Variants in FRMPD3 observed in about 807,000 individuals in gnomAD.
The protein encoded by FRMPD3 is FERM and PDZ domain containing 3, also known as FERM and PDZ domain-containing protein 3.
Under a neutral mutation model 97.9 loss-of-function variants are expected in FRMPD3, and 42 were observed. The ratio of observed to expected loss-of-function variants is 0.43; its 90% CI spans 0.34 to 0.55. FRMPD3 has a LOEUF of 0.55. Ranked by LOEUF, FRMPD3 falls within the 20% of genes least tolerant of loss-of-function variation. FRMPD3 has a pLI of 0.03. For synonymous variants in FRMPD3, 577 were observed against 581.1 expected, an observed-to-expected ratio of 0.99 and a Z score of 0.10; for missense variants, 1,303 against 1,457.7, an observed-to-expected ratio of 0.89 and a Z score of 1.73.
At chrX:107,467,680 T>C (rs112972714) in intron 1 of FRMPD3, among the ~76,000 whole-genome samples, 3,006 of 110,760 alleles carry the variant, frequency 0.027, 99 homozygotes, top group African/African-American at 0.093. Flanking sequence ...TTTCTGTTTT[T>C]AGATGTGAAG....
Position 107,551,686 on chromosome X carries a change from TG to T in FRMPD3, c.511-1108del, listed in dbSNP as rs1653000031. On this transcript the variant is annotated intron_variant, in intron 6 of 14. Transcript: ENST00000683843. The stretch of plus-strand genomic sequence containing the variant: ...GTCCCAGAGAGGTACCTGGGTGAAT[TG>T]ACAGCCTGGCACAGGGGCTGTTACA... 2.7e-5 allele frequency among the ~76,000 whole-genome samples: 3 copies of T among 112,348 alleles called. No homozygotes were observed. In the South Asian group the frequency reaches 1.1e-3, roughly 42 times the overall value.
In FRMPD3 at chrX:107,600,709, T is replaced by G; in HGVS notation, c.2670T>G (p.Asn890Lys). The change falls in exon 15 of 15, where the codon AAT becomes AAG. Residue 890 changes from asparagine (N) to lysine (K), a missense_variant. Transcript: ENST00000683843. ...CCCCACAGCTTAGTGAACAGAAGAATCTGAGTCTGCTGTCCCCAGTTCCTG... is the reference window on the plus strand; with the variant it reads ...CCCCACAGCTTAGTGAACAGAAGAAGCTGAGTCTGCTGTCCCCAGTTCCTG... ...ALSPQLSEQK[N>K]LSLLSPVPED... is the part of the protein sequence containing the mutation. 1 of 1,202,853 alleles carries G rather than the reference T, an allele frequency of 8.3e-7. No homozygotes were observed. The highest frequency in any genetic ancestry group is 1.1e-6 in the Non-Finnish European group (1 of 891,359).
At chrX:107,598,357 T>A (rs1160686539) in intron 14 of FRMPD3, among the ~76,000 whole-genome samples, 2 of 112,354 alleles carry the variant, frequency 1.8e-5, no homozygotes, top group African/African-American at 6.5e-5. Flanking sequence ...CTCTCGTCAT[T>A]GCATCTCTTT....
intron 1 of FRMPD3, among the ~76,000 whole-genome samples, chrX:107,481,429 G>A (rs1183851363): frequency 1.8e-5 from 2 of 112,015 alleles, no homozygotes; most frequent in Non-Finnish European, 3.8e-5. Context: ...TGCCCACCAG[G>A]GACTCATCCT....
At chrX:107,456,334 C>G (rs1931377417) in intron 1 of FRMPD3, among the ~76,000 whole-genome samples, 1 of 111,330 alleles carries the variant, frequency 9.0e-6, no homozygotes, top group Admixed American at 9.5e-5. Context: ...TGTGCCCAGC[C>G]TGTCTTTACT....
chrX:107,509,697 G>T (rs1356976518), intron 1 of FRMPD3, among the ~76,000 whole-genome samples: 3 of 110,376 alleles, frequency 2.7e-5, no homozygotes, highest in Non-Finnish European at 5.7e-5. Context: ...GGGAGTGGTG[G>T]TCTTCTGCTG....
intron 1 of FRMPD3, among the ~76,000 whole-genome samples, chrX:107,477,871 A>T (rs1444645217): frequency 9.1e-6 from 1 of 109,822 alleles, no homozygotes; most frequent in Non-Finnish European, 1.9e-5. Context: ...TTTGCCCTCC[A>T]CCCCCTATTA....
chrX:107,507,510 G>T (rs1292078318), intron 1 of FRMPD3, among the ~76,000 whole-genome samples: 2 of 111,228 alleles, frequency 1.8e-5, no homozygotes, highest in Non-Finnish European at 3.8e-5. Context: ...AAGTGTCCGG[G>T]ACTTCTAGCT....
intron 1 of FRMPD3, among the ~76,000 whole-genome samples, chrX:107,496,870 A>G (rs1235368759): frequency 1.8e-5 from 2 of 112,526 alleles, no homozygotes; most frequent in African/African-American, 6.5e-5. Flanking sequence ...CCAGTGGGCA[A>G]GAATGATCTC....
intron 1 of FRMPD3, among the ~76,000 whole-genome samples, chrX:107,452,327 A>G (rs774511194): frequency 1.8e-5 from 2 of 111,907 alleles, no homozygotes; most frequent in African/African-American, 6.5e-5. Context: ...TTGAGAGGCA[A>G]TTGGGAGCCA....
At chrX:107,476,982 G>C (rs1408567661) in intron 1 of FRMPD3, among the ~76,000 whole-genome samples, 4 of 111,879 alleles carry the variant, frequency 3.6e-5, no homozygotes, top group Non-Finnish European at 7.5e-5. Flanking sequence ...CTGAGGGTTT[G>C]GGATAGAGGA....
At position 107,492,733 on chromosome X, in the gene FRMPD3, G is replaced by A. The variant is rs760071440; in HGVS notation, c.-7-33849G>A. ...GTGATTTGTATACACATTAAATTTC[G>A]AGAAGCACTGATTTAGAGTACATCA... On this transcript the variant is annotated intron_variant, in intron 1 of 14. Transcript: ENST00000683843. 3.6e-5 allele frequency among the ~76,000 whole-genome samples: 4 copies of A among 111,968 alleles called. No individual in the cohort carries two copies. The South Asian group carries it at 1.1e-3, about 31-fold the overall frequency.
intron 1 of FRMPD3, among the ~76,000 whole-genome samples, chrX:107,520,321 C>T (rs1265413288): frequency 9.0e-6 from 1 of 110,553 alleles, no homozygotes; most frequent in Admixed American, 9.7e-5. Context: ...AATCCTCCTA[C>T]GAAGCCTATC....
intron 4 of FRMPD3, among the ~76,000 whole-genome samples, chrX:107,535,650 G>A (rs1477113116): frequency 2.0e-5 from 2 of 102,100 alleles, no homozygotes; most frequent in Non-Finnish European, 4.0e-5. Flanking sequence ...TCCAGCCTGG[G>A]TGACAGAGCG....
chrX:107,573,875 T>G (rs1923006362), intron 12 of FRMPD3, among the ~76,000 whole-genome samples: 1 of 112,261 alleles, frequency 8.9e-6, no homozygotes, highest in Non-Finnish European at 1.9e-5. Flanking sequence ...ACTGGGCATG[T>G]TGATTTTTGA....
At chrX:107,536,568 C>T (rs1015257885) in intron 4 of FRMPD3, among the ~76,000 whole-genome samples, 6 of 110,861 alleles carry the variant, frequency 5.4e-5, no homozygotes, top group African/African-American at 2.0e-4. Context: ...AATCATGTAC[C>T]CGTTGAAGGG....
Position 107,602,970 on chromosome X carries a change from G to T in FRMPD3, c.4931G>T (p.Arg1644Leu), listed in dbSNP as rs372678985. 1 of 1,209,870 alleles carries T rather than the reference G, an allele frequency of 8.3e-7. No individual in the cohort carries two copies. The highest frequency in any genetic ancestry group is 1.1e-6 in the Non-Finnish European group (1 of 895,225). Reference protein sequence around the residue: ...KFKELRASCRRVANVDKSPTH... With the variant: ...KFKELRASCRLVANVDKSPTH... ...AAGGAGCTCCGGGCCTCCTGCCGCCGTGTGGCCAATGTGGACAAGAGCCCA... is the reference window on the plus strand; with the variant it reads ...AAGGAGCTCCGGGCCTCCTGCCGCCTTGTGGCCAATGTGGACAAGAGCCCA... Residue 1644 changes from arginine (R) to leucine (L), a missense_variant, in exon 15 of 15, where the codon CGT (arginine) becomes CTT (leucine). Physicochemically the swap from Arg to Leu is moderately radical, Grantham distance 102. Transcript: ENST00000683843.
chrX:107,595,844 A>C (rs1432021252), intron 13 of FRMPD3, among the ~76,000 whole-genome samples: 2 of 108,560 alleles, frequency 1.8e-5, no homozygotes, highest in African/African-American at 6.7e-5. Context: ...AGGCTGAGGC[A>C]GGAGAATCAC....
chrX:107,505,986 G>A (rs184033810), intron 1 of FRMPD3, among the ~76,000 whole-genome samples: 199 of 111,888 alleles, frequency 1.8e-3, no homozygotes, highest in African/African-American at 6.3e-3. Context: ...CAGAAGTTCT[G>A]CCATGGAAGG....
Sources: gnomAD v4.1 joint callset for allele counts (sites outside exome capture counted in the v4.1 genomes callset) on GRCh38, gnomAD v4.1.1 for gene constraint, MANE v1.5 for transcripts, NCBI Gene and HGNC (gene_info 2026-07-23, HGNC 2026-07-21) for gene names.